STX18: variants seen among roughly 807,000 people sequenced by gnomAD.
The protein encoded by STX18 is syntaxin 18.
Under a neutral mutation model 50.1 loss-of-function variants are expected in STX18, and 40 were observed. The observed-to-expected ratio is 0.80, with a 90% confidence interval of 0.62 to 1.04. The LOEUF (loss-of-function observed/expected upper bound fraction) is 1.04, where lower values mean the gene tolerates loss of function less well. Ranked by LOEUF, STX18 falls within the 50% of genes least tolerant of loss-of-function variation. The pLI is 0.00. For synonymous variants in STX18, 158 were observed against 151.8 expected, an observed-to-expected ratio of 1.04 and a Z score of -0.30; for missense variants, 410 against 415.8, an observed-to-expected ratio of 0.99 and a Z score of 0.12.
rs1454802789 is a variant in STX18, at chr4:4,541,900, G to A, written c.65C>T (p.Ala22Val). The A allele has an allele frequency of 2.5e-6, 4 of 1,610,688 alleles. No individual in the cohort carries two copies. Among genetic ancestry groups the A allele is most frequent in the Non-Finnish European group, 1.7e-6 (2 of 1,178,964 alleles). The change falls in exon 1 of 11, where the codon GCG becomes GTG. Residue 22 changes from alanine (A) to valine (V), a missense_variant. Physicochemically the swap from Ala to Val is moderately conservative, Grantham distance 64. Transcript: ENST00000306200. Reference protein sequence around the residue: ...SVKTVKTRNKALGVAVGGGVD... With the variant: ...SVKTVKTRNKVLGVAVGGGVD... ...CCCGCCGCCCACCGCCACTCCCAGC[G>A]CCTTGTTCCGCGTCTTCACGGTCTT...
intron 2 of STX18, chr4:4,461,809 C>T (rs181140942): frequency 2.9e-5 from 13 of 453,290 alleles, no homozygotes; most frequent in African/African-American, 1.6e-4. Context: ...CAAATGACAC[C>T]TTGCCTCCTC....
At chr4:4,501,565 C>T (rs141965750) in intron 1 of STX18, among the ~76,000 whole-genome samples, 93 of 152,304 alleles carry the variant, frequency 6.1e-4, no homozygotes, top group East Asian at 5.4e-3. Context: ...CATGACCTCT[C>T]AGACTGTTTT....
At chr4:4,497,355 A>G (rs997020518) in intron 1 of STX18, among the ~76,000 whole-genome samples, 1 of 152,230 alleles carries the variant, frequency 6.6e-6, no homozygotes, top group African/African-American at 2.4e-5. Context: ...CAGGGGGAGA[A>G]ATGTACTTAA....
chr4:4,423,431 AG>A, intron 9 of STX18, 86 bp downstream of exon 9: 1 of 1,288,318 alleles, frequency 7.8e-7, no homozygotes, highest in South Asian at 1.2e-5. Context: ...TGTGTAGAGC[AG>A]CAGCCTTTGG....
intron 1 of STX18, among the ~76,000 whole-genome samples, chr4:4,506,066 T>C (rs549951571): frequency 3.9e-5 from 6 of 152,352 alleles, no homozygotes; most frequent in South Asian, 4.1e-4. Flanking sequence ...CATTCATCAG[T>C]TGATGAATAC....
At chr4:4,533,596 T>C (rs1380571363) in intron 1 of STX18, among the ~76,000 whole-genome samples, 2 of 152,250 alleles carry the variant, frequency 1.3e-5, no homozygotes, top group Non-Finnish European at 2.9e-5. Context: ...ACTGGTATTC[T>C]GACTTACACA....
At chr4:4,541,172 C>A (rs1447379883) in intron 1 of STX18, among the ~76,000 whole-genome samples, 1 of 152,182 alleles carries the variant, frequency 6.6e-6, no homozygotes, top group Non-Finnish European at 1.5e-5. Context: ...ACAACACTGT[C>A]CCTGCCCTTA....
chr4:4,434,799 C>G lies in STX18; in HGVS notation c.673G>C (p.Asp225His). 6.2e-7 allele frequency: 1 copy of G among 1,607,042 alleles called. No individual in the cohort carries two copies. Among genetic ancestry groups the G allele is most frequent in the Non-Finnish European group, 8.5e-7 (1 of 1,178,216 alleles). ...LGTWGDGKGE[D>H]ELSPEEIQMF... ...TGTATTTCTTCTGGGGATAACTCAT[C>G]TTCGCCTTTGCCATCTCCCCACGTT... The change falls in exon 7 of 11, where the codon GAT becomes CAT. Residue 225 changes from aspartate (D) to histidine (H), a missense_variant. Physicochemically the swap from Asp to His is moderately conservative, Grantham distance 81. Transcript: ENST00000306200.
At chr4:4,492,404 A>G (rs898186975) in intron 1 of STX18, among the ~76,000 whole-genome samples, 3 of 152,158 alleles carry the variant, frequency 2.0e-5, no homozygotes, top group African/African-American at 7.2e-5. Flanking sequence ...GGATTCGCTC[A>G]GGGACTATAT....
intron 1 of STX18, among the ~76,000 whole-genome samples, chr4:4,527,299 G>A (rs979927741): frequency 2.0e-5 from 3 of 152,112 alleles, no homozygotes; most frequent in Admixed American, 6.5e-5. Flanking sequence ...GATGAATTGT[G>A]CTTTGGGAAT....
At chr4:4,484,578 T>C (rs1167580604) in intron 1 of STX18, among the ~76,000 whole-genome samples, 1 of 151,982 alleles carries the variant, frequency 6.6e-6, no homozygotes, top group Non-Finnish European at 1.5e-5. Context: ...ATATAAAAAG[T>C]AACAAAGAAC....
chr4:4,452,539 C>T (rs554585591), intron 5 of STX18, among the ~76,000 whole-genome samples: 2 of 152,238 alleles, frequency 1.3e-5, no homozygotes, highest in African/African-American at 4.8e-5. Flanking sequence ...GCTCATTTAC[C>T]ATTCCAAAAA....
At chr4:4,449,690 C>T (rs1022236954) in intron 5 of STX18, among the ~76,000 whole-genome samples, 3 of 152,228 alleles carry the variant, frequency 2.0e-5, no homozygotes, top group African/African-American at 4.8e-5. Context: ...GGCTTCCCCA[C>T]TGTCAAGTTA....
intron 1 of STX18, among the ~76,000 whole-genome samples, chr4:4,540,701 G>C (rs897043011): frequency 6.6e-6 from 1 of 152,162 alleles, no homozygotes; most frequent in African/African-American, 2.4e-5. Context: ...CAGAAGGTAG[G>C]TGCTTCATAG....
At chr4:4,522,696 A>C (rs1042345482) in intron 1 of STX18, among the ~76,000 whole-genome samples, 1 of 152,094 alleles carries the variant, frequency 6.6e-6, no homozygotes, top group Non-Finnish European at 1.5e-5. Context: ...GAACAATAAA[A>C]AATATGTGAA....
chr4:4,500,561 A>T (rs960535527), intron 1 of STX18, among the ~76,000 whole-genome samples: 2 of 152,214 alleles, frequency 1.3e-5, no homozygotes, highest in African/African-American at 4.8e-5. Flanking sequence ...ATCCAGAGGG[A>T]GTCCTGAAAC....
intron 7 of STX18, among the ~76,000 whole-genome samples, chr4:4,429,805 G>A (rs1299016960): frequency 6.6e-6 from 1 of 152,176 alleles, no homozygotes; most frequent in Middle Eastern, 3.2e-3. Flanking sequence ...CTAGATGCAT[G>A]AGCTGAAAAC....
At chr4:4,505,883 T>G (rs59121555) in intron 1 of STX18, among the ~76,000 whole-genome samples, 3 of 152,200 alleles carry the variant, frequency 2.0e-5, no homozygotes, top group African/African-American at 7.2e-5. Flanking sequence ...TCCTGAACCT[T>G]AGTAAGTCGG....
At chr4:4,432,872 G>A (rs961993637) in intron 7 of STX18, among the ~76,000 whole-genome samples, 5 of 152,240 alleles carry the variant, frequency 3.3e-5, no homozygotes, top group African/African-American at 7.2e-5. Context: ...CAATGCTCAC[G>A]AGAGCAGACA....
Sources: allele counts gnomAD v4.1 joint callset (sites outside exome capture counted in the v4.1 genomes callset), GRCh38; gene constraint gnomAD v4.1.1; transcripts MANE v1.5; gene names NCBI Gene and HGNC (gene_info 2026-07-23, HGNC 2026-07-21).